YIPF4: variants seen among roughly 807,000 people sequenced by gnomAD.
The protein encoded by YIPF4 is protein YIPF4.
Under a neutral mutation model 29.4 loss-of-function variants are expected in YIPF4, and 18 were observed. The ratio of observed to expected loss-of-function variants is 0.61; its 90% CI spans 0.42 to 0.91. The LOEUF (loss-of-function observed/expected upper bound fraction) is 0.91, where lower values mean the gene tolerates loss of function less well. Ranked by LOEUF, YIPF4 falls within the 40% of genes least tolerant of loss-of-function variation. YIPF4 has a pLI of 0.00. For missense variants in YIPF4, 279 were observed against 282.7 expected (o/e 0.99, Z 0.09); for synonymous variants, 115 against 104.7 (o/e 1.10, Z -0.60).
chr2:32,306,572 G>C lies in YIPF4; in HGVS notation c.*946G>C, dbSNP rs1388694126. 4.1e-6 allele frequency: 4 copies of C among 985,122 alleles called. No homozygotes were observed. The African/African-American group carries it at 7.0e-5, about 17-fold the overall frequency. 61.0% of individuals were successfully genotyped at this position (985,122 alleles called of 1,614,324 possible). ...AAAAAATAAAATACTTCCCAGTTGT[G>C]TGTTTTGTTTTACAGCACCATGTCC... On this transcript the variant is annotated 3_prime_UTR_variant, in exon 6 of 6. Coordinates refer to ENST00000238831, the MANE Select transcript of YIPF4 (RefSeq NM_032312.4).
intron 1 of YIPF4, among the ~76,000 whole-genome samples, chr2:32,282,227 C>A (rs1035912340): frequency 1.2e-4 from 18 of 152,292 alleles, no homozygotes; most frequent in African/African-American, 4.1e-4. Flanking sequence ...GCCCAGGAGT[C>A]TGAGGCCACC....
At chr2:32,279,907 T>A (rs912626158) in intron 1 of YIPF4, among the ~76,000 whole-genome samples, 1 of 150,104 alleles carries the variant, frequency 6.7e-6, no homozygotes, top group African/African-American at 2.4e-5. Context: ...GTTCTTTTTT[T>A]TTTTTTTTGA....
At position 32,315,673 on chromosome 2, in the gene YIPF4, G is replaced by T; in HGVS notation, c.*10047G>T. ...GAGAGTGGCATGAACCCGGGAGGCG[G>T]AGATTGCAGTGAGCCGAGATCGCGC... On this transcript the variant is annotated 3_prime_UTR_variant, in exon 6 of 6. Transcript: ENST00000238831. The T allele has an allele frequency of 6.6e-6, 1 of 152,032 alleles. No homozygotes were observed. The highest frequency in any genetic ancestry group is 1.5e-5 in the Non-Finnish European group (1 of 68,032). 9.4% of individuals were successfully genotyped at this position (152,032 alleles called of 1,614,324 possible).
In YIPF4 at chr2:32,290,656, T is replaced by A. The variant is rs764906255; in HGVS notation, c.233+20T>A. On this transcript the variant is annotated intron_variant, in intron 2 of 5. Transcript: ENST00000238831. ...ACTCTTGTATGTAAAAATAATAATA[T>A]ATATTTTTTGTTTTTTGAGCTAGTC... 1 of 1,394,990 alleles carries A rather than the reference T, an allele frequency of 7.2e-7. No individual in the cohort carries two copies. Among genetic ancestry groups the A allele is most frequent in the African/African-American group, 1.5e-5 (1 of 65,888 alleles). The allele number at this position is 1,394,990 out of a possible 1,614,324, so 86.4% of individuals were successfully genotyped here.
rs1303422884 is a variant in YIPF4 at position 32,295,492 on chromosome 2, T to C, written c.406-2742T>C. 2.6e-5 allele frequency among the ~76,000 whole-genome samples: 4 copies of C among 152,352 alleles called. No individual in the cohort carries two copies. The East Asian group carries it at 7.7e-4, about 29-fold the overall frequency. On this transcript the variant is annotated intron_variant, in intron 3 of 5. Transcript: ENST00000238831. ...GCTCCAGGGCAGAATCTGTTGCTTGTTTCTTTCACTTCCAGAGGCTGCCAG... is the reference window on the plus strand; with the variant it reads ...GCTCCAGGGCAGAATCTGTTGCTTGCTTCTTTCACTTCCAGAGGCTGCCAG...
In YIPF4 at chr2:32,301,496, G is replaced by T; in HGVS notation, c.597+1G>T. 6.3e-7 allele frequency: 1 copy of T among 1,584,096 alleles called. No individual in the cohort carries two copies. Among genetic ancestry groups the T allele is most frequent in the Non-Finnish European group, 8.7e-7 (1 of 1,153,560 alleles). ...TGAAGTGGTGTCTACACTTATAAAA[G>T]TAAGTTAAGGATTATGTATTACATA... On this transcript the variant is annotated splice_donor_variant, in intron 5 of 5. Coordinates refer to ENST00000238831, the MANE Select transcript of YIPF4 (RefSeq NM_032312.4). LOFTEE classifies it high-confidence loss of function.
rs2031710297 is a variant in YIPF4, at chr2:32,311,240, A to T, written c.*5614A>T. The T allele has an allele frequency of 6.6e-6, 1 of 152,186 alleles. No individual in the cohort carries two copies. Among genetic ancestry groups the T allele is most frequent in the Admixed American group, 6.6e-5 (1 of 15,264 alleles). 9.4% of individuals were successfully genotyped at this position (152,186 alleles called of 1,614,324 possible). On this transcript the variant is annotated 3_prime_UTR_variant, in exon 6 of 6. Coordinates refer to ENST00000238831, the MANE Select transcript of YIPF4 (RefSeq NM_032312.4). ...TATAACAAACTGGTGAAAATTTTAG[A>T]CCAAACCATGTCTTTCTGGGTTGTA... is the stretch of plus-strand genomic sequence containing the variant.
In YIPF4 at chr2:32,290,639, A is replaced by G; in HGVS notation, c.233+3A>G. 1 of 1,460,506 alleles carries G rather than the reference A, an allele frequency of 6.8e-7. No homozygotes were observed. The highest frequency in any genetic ancestry group is 9.0e-7 in the Non-Finnish European group (1 of 1,107,138). The allele number at this position is 1,460,506 out of a possible 1,614,324, so 90.5% of individuals were successfully genotyped here. A position where few individuals can be genotyped will look rare whatever the true frequency, so the allele number is the denominator to read the frequency against. ...CCTGAAGATAACAAGCCACTCTTGT[A>G]TGTAAAAATAATAATATATATTTTT... On this transcript the variant is annotated splice_donor_region_variant and intron_variant, in intron 2 of 5. Coordinates refer to ENST00000238831, the MANE Select transcript of YIPF4 (RefSeq NM_032312.4).
At chr2:32,281,868 C>G (rs115291645) in intron 1 of YIPF4, among the ~76,000 whole-genome samples, 6,224 of 140,798 alleles carry the variant, frequency 0.044, 189 homozygotes, top group Middle Eastern at 0.14. Flanking sequence ...ACACTTCAGC[C>G]TGGGTGACAG....
At chr2:32,294,410 G>A (rs1406453757) in intron 3 of YIPF4, among the ~76,000 whole-genome samples, 3 of 150,980 alleles carry the variant, frequency 2.0e-5, no homozygotes, top group Admixed American at 6.6e-5. Context: ...GAGCAGAGGC[G>A]CTCCTCACAT....
At position 32,313,189 on chromosome 2, in the gene YIPF4, TAA is replaced by T. The variant is rs1335999743; in HGVS notation, c.*7566_*7567del. The T allele has an allele frequency of 6.6e-6, 1 of 151,868 alleles. No homozygotes were observed. The highest frequency in any genetic ancestry group is 2.4e-5 in the African/African-American group (1 of 41,336). 9.4% of individuals were successfully genotyped at this position (151,868 alleles called of 1,614,324 possible). On this transcript the variant is annotated 3_prime_UTR_variant, in exon 6 of 6. Transcript: ENST00000238831. ...CTTAAGCTGAAATCTTAGGGAAAAA[TAA>T]AAGTTAACTAGGCAAAGAAGGTAGG...
At chr2:32,291,585 A>G (rs1036074913) in intron 2 of YIPF4, among the ~76,000 whole-genome samples, 2 of 152,204 alleles carry the variant, frequency 1.3e-5, no homozygotes, top group African/African-American at 4.8e-5. Flanking sequence ...AATCTAAGAC[A>G]CTATTGATTA....
intron 1 of YIPF4, among the ~76,000 whole-genome samples, chr2:32,280,222 G>A (rs908703958): frequency 2.0e-5 from 3 of 151,640 alleles, no homozygotes; most frequent in Admixed American, 6.6e-5. Flanking sequence ...CCGCTTCCCA[G>A]GTTCATGCTA....
chr2:32,278,022 C>G lies in YIPF4; in HGVS notation c.-134C>G. 2 of 735,372 alleles carry G rather than the reference C, an allele frequency of 2.7e-6. No homozygotes were observed. Among genetic ancestry groups the G allele is most frequent in the South Asian group, 2.0e-5 (1 of 50,112 alleles). 45.6% of individuals were successfully genotyped at this position (735,372 alleles called of 1,614,324 possible). On this transcript the variant is annotated 5_prime_UTR_variant, in exon 1 of 6. Coordinates refer to ENST00000238831, the MANE Select transcript of YIPF4 (RefSeq NM_032312.4). ...GCGGCCCGCTGTGCCCGTTTCTGGCCTCGCTCGCAGCTTGCACGTCGAGAC... is the reference window on the plus strand; with the variant it reads ...GCGGCCCGCTGTGCCCGTTTCTGGCGTCGCTCGCAGCTTGCACGTCGAGAC...
At chr2:32,286,063 G>T (rs2030657094) in intron 1 of YIPF4, among the ~76,000 whole-genome samples, 1 of 152,046 alleles carries the variant, frequency 6.6e-6, no homozygotes, top group Non-Finnish European at 1.5e-5. Flanking sequence ...AGTTAAACAA[G>T]GTTTACTTTT....
At chr2:32,297,173 G>A (rs2031221810) in intron 3 of YIPF4, among the ~76,000 whole-genome samples, 1 of 151,476 alleles carries the variant, frequency 6.6e-6, no homozygotes, top group African/African-American at 2.4e-5. Flanking sequence ...CGCTCAGGCT[G>A]GAGTGCAATG....
Position 32,314,685 on chromosome 2 carries a change from A to C in YIPF4, c.*9059A>C, listed in dbSNP as rs1014795968. 6.6e-6 allele frequency: 1 copy of C among 152,098 alleles called. No individual in the cohort carries two copies. The highest frequency in any genetic ancestry group is 1.9e-4 in the East Asian group (1 of 5,198). 9.4% of individuals were successfully genotyped at this position (152,098 alleles called of 1,614,324 possible). ...CAAAACTTCGTCTCAAAAAAAAATA[A>C]AAAAATAAGGCTCCAAGCGCTGTTG... On this transcript the variant is annotated 3_prime_UTR_variant, in exon 6 of 6. Coordinates refer to ENST00000238831, the MANE Select transcript of YIPF4 (RefSeq NM_032312.4).
At chr2:32,293,050 TTATTTTTA>T (rs935432906) in intron 3 of YIPF4, among the ~76,000 whole-genome samples, 1 of 130,464 alleles carries the variant, frequency 7.7e-6, no homozygotes, top group Non-Finnish European at 1.7e-5. Context: ...ATTTTTATTT[TTATTTTTA>T]TTTTTTTATT....
At chr2:32,294,284 G>C (rs1014542414) in intron 3 of YIPF4, among the ~76,000 whole-genome samples, 2 of 151,338 alleles carry the variant, frequency 1.3e-5, no homozygotes, top group Non-Finnish European at 2.9e-5. Context: ...GCGGCTGCCG[G>C]GTGGAGGGGC....
Sources: gnomAD v4.1 joint callset for allele counts (sites outside exome capture counted in the v4.1 genomes callset) on GRCh38, gnomAD v4.1.1 for gene constraint, MANE v1.5 for transcripts, NCBI Gene and HGNC (gene_info 2026-07-23, HGNC 2026-07-21) for gene names.